Variants in FGF14 observed in about 807,000 individuals in gnomAD.
The protein encoded by FGF14 is fibroblast growth factor 14, also known as fibroblast growth factor homologous factor 4.
Under a neutral mutation model 25.5 loss-of-function variants are expected in FGF14, and 5 were observed. The ratio of observed to expected loss-of-function variants is 0.20; its 90% CI spans 0.10 to 0.41. The LOEUF (loss-of-function observed/expected upper bound fraction) is 0.41, where lower values mean the gene tolerates loss of function less well. FGF14 is among the 10% of genes least tolerant of loss of function. The probability of loss-of-function intolerance (pLI) is 1.00; values close to 1 mark genes in which losing one functional copy is unlikely to be tolerated. For missense variants in FGF14, 222 were observed against 320.1 expected, an observed-to-expected ratio of 0.69 and a Z score of 2.34; for synonymous variants, 138 against 118.3, an observed-to-expected ratio of 1.17 and a Z score of -1.08.
chr13:102,308,934 A>AAAAAAAAAAAAAAAAAAAC (rs1555398892), intron 1 of FGF14, among the ~76,000 whole-genome samples: 1 of 139,680 alleles, frequency 7.2e-6, no homozygotes, highest in African/African-American at 2.7e-5. Flanking sequence ...AAAAAAAAAA[A>AAAAAAAAAAAAAAAAAAAC]CACAAAAAAA....
chr13:102,155,370 C>T (rs1350021323), intron 1 of FGF14, among the ~76,000 whole-genome samples: 1 of 152,156 alleles, frequency 6.6e-6, no homozygotes, highest in Non-Finnish European at 1.5e-5. Context: ...CACTCAGAAC[C>T]ACTCAATTAC....
chr13:101,747,282 A>C (rs2036951490), intron 3 of FGF14, among the ~76,000 whole-genome samples: 2 of 152,042 alleles, frequency 1.3e-5, no homozygotes, highest in African/African-American at 4.8e-5. Context: ...CCAGCAAACA[A>C]GTATTAGGTA....
Position 102,360,103 on chromosome 13 carries a change from C to A in FGF14, c.208+41368G>T, listed in dbSNP as rs572109531. 7.2e-5 allele frequency among the ~76,000 whole-genome samples: 11 copies of A among 152,278 alleles called. No individual in the cohort carries two copies. The South Asian group carries it at 2.3e-3, about 32-fold the overall frequency. ...TGGATTCATTACTCATTTGCCCCTT[C>A]AGCCATTCTAACTTCACTCTTATTA... On this transcript the variant is annotated intron_variant, in intron 1 of 4. Transcript: ENST00000376131.
intron 1 of FGF14, among the ~76,000 whole-genome samples, chr13:102,195,197 C>CAT (rs2049296766): frequency 6.6e-6 from 1 of 152,066 alleles, no homozygotes; most frequent in African/African-American, 2.4e-5. Flanking sequence ...GTAGACGTAA[C>CAT]AATATAAATA....
At chr13:102,230,843 G>A (rs969469800) in intron 1 of FGF14, among the ~76,000 whole-genome samples, 3 of 152,092 alleles carry the variant, frequency 2.0e-5, no homozygotes, top group African/African-American at 7.2e-5. Context: ...TTTATTAAAT[G>A]AATGTATAAT....
Position 101,906,021 on chromosome 13 carries a change from G to T in FGF14, c.193+10432C>A, listed in dbSNP as rs556003623. 4.6e-5 allele frequency among the ~76,000 whole-genome samples: 7 copies of T among 151,416 alleles called. No homozygotes were observed. The South Asian group carries it at 1.5e-3, about 32-fold the overall frequency. On this transcript the variant is annotated intron_variant, in intron 1 of 4. Transcript: ENST00000376143. ...TTCTCATCTGAGCAGATGCAGTGAA[G>T]ATGTCTGGTTACTTTCCCTACACTT...
chr13:102,126,606 T>C (rs900426796), intron 1 of FGF14, among the ~76,000 whole-genome samples: 2 of 152,216 alleles, frequency 1.3e-5, no homozygotes, highest in Non-Finnish European at 2.9e-5. Flanking sequence ...TTGGTCAGTA[T>C]GGTAATTTCA....
intron 1 of FGF14, among the ~76,000 whole-genome samples, chr13:102,170,747 G>A (rs1327141638): frequency 6.6e-6 from 1 of 152,118 alleles, no homozygotes; most frequent in African/African-American, 2.4e-5. Flanking sequence ...TCCAAACCAT[G>A]GAAACCAAAG....
chr13:101,817,841 C>T (rs888880515), intron 3 of FGF14, among the ~76,000 whole-genome samples: 1 of 152,100 alleles, frequency 6.6e-6, no homozygotes, highest in Non-Finnish European at 1.5e-5. Context: ...ACATTTCTAC[C>T]CTTTTGTCTC....
intron 1 of FGF14, among the ~76,000 whole-genome samples, chr13:102,301,323 T>G (rs1298090595): frequency 6.6e-6 from 1 of 152,166 alleles, no homozygotes; most frequent in Non-Finnish European, 1.5e-5. Flanking sequence ...AAAAAGAGTT[T>G]TCAACAAAAT....
At position 102,079,580 on chromosome 13, in the gene FGF14, C is replaced by T. The variant is rs2140187791; in HGVS notation, c.209-204284G>A. 1.3e-5 allele frequency among the ~76,000 whole-genome samples: 2 copies of T among 152,208 alleles called. 1 individual carries two copies. Among genetic ancestry groups the T allele is most frequent in the Middle Eastern group, 6.8e-3 (2 of 294 alleles). On this transcript the variant is annotated intron_variant, in intron 1 of 4. Coordinates refer to the FGF14 transcript ENST00000376131. ...ACAGGTGTGAGCTACCATATCTAGA[C>T]TCAATAAATATTTATTAAGTGTCTT...
intron 1 of FGF14, among the ~76,000 whole-genome samples, chr13:102,008,731 G>A (rs552321485): frequency 4.6e-5 from 7 of 152,070 alleles, no homozygotes; most frequent in Non-Finnish European, 8.8e-5. Context: ...GTGAGCAGCT[G>A]TTCTCTTGAA....
intron 1 of FGF14, among the ~76,000 whole-genome samples, chr13:101,991,993 G>A (rs905324550): frequency 6.6e-6 from 1 of 152,086 alleles, no homozygotes; most frequent in Non-Finnish European, 1.5e-5. Flanking sequence ...CCCATGTAAA[G>A]AAGAAAAACA....
chr13:102,144,362 C>A (rs2140470634), intron 1 of FGF14, among the ~76,000 whole-genome samples: 1 of 152,236 alleles, frequency 6.6e-6, no homozygotes, highest in Non-Finnish European at 1.5e-5. Flanking sequence ...TTACACTGAA[C>A]TGCTTATCCA....
intron 1 of FGF14, among the ~76,000 whole-genome samples, chr13:102,119,471 T>C (rs1360004829): frequency 2.0e-5 from 3 of 152,132 alleles, no homozygotes; most frequent in Non-Finnish European, 4.4e-5. Flanking sequence ...AATCTGAATA[T>C]GAACAGAATA....
intron 3 of FGF14, among the ~76,000 whole-genome samples, chr13:101,828,008 G>T (rs1053794430): frequency 6.6e-6 from 1 of 151,074 alleles, no homozygotes; most frequent in African/African-American, 2.4e-5. Flanking sequence ...TCAAAATCAT[G>T]TCTGAATTAT....
chr13:102,394,607 C>CA (rs2058526211), intron 1 of FGF14: 1 of 152,334 alleles, frequency 6.6e-6, no homozygotes, highest in East Asian at 1.9e-4. Flanking sequence ...ACGGCGGCTC[C>CA]AACGGGCCGC....
At chr13:101,909,444 C>T (rs1409104461) in intron 1 of FGF14, among the ~76,000 whole-genome samples, 1 of 151,778 alleles carries the variant, frequency 6.6e-6, no homozygotes, top group Non-Finnish European at 1.5e-5. Flanking sequence ...TATGAACAGA[C>T]ACTTCTCAAA....
chr13:101,756,462 C>T (rs1002341820), intron 3 of FGF14, among the ~76,000 whole-genome samples: 4 of 152,082 alleles, frequency 2.6e-5, no homozygotes, highest in East Asian at 1.9e-4. Context: ...AAGCCAGGCA[C>T]GGTGGCTCAC....
Sources: allele counts gnomAD v4.1 joint callset (sites outside exome capture counted in the v4.1 genomes callset), GRCh38; gene constraint gnomAD v4.1.1; transcripts MANE v1.5; gene names NCBI Gene and HGNC (gene_info 2026-07-23, HGNC 2026-07-21).